Variants in ZMIZ1 observed in about 807,000 individuals in gnomAD.
The protein encoded by ZMIZ1 is zinc finger MIZ-type containing 1, also known as zinc finger MIZ domain-containing protein 1.
A neutral mutation model predicts 113.9 loss-of-function variants in ZMIZ1; 17 were observed. That is an observed-to-expected ratio of 0.15 (90% CI 0.10 to 0.22). ZMIZ1 has a LOEUF of 0.22. ZMIZ1 is among the 10% of genes least tolerant of loss of function. The pLI, the probability that ZMIZ1 is intolerant of heterozygous loss-of-function variation, is 1.00. For synonymous variants in ZMIZ1, 607 were observed against 603.1 expected (o/e 1.01, Z -0.09); for missense variants, 1,059 against 1,477.8 (o/e 0.72, Z 4.65).
At chr10:79,199,926 A>G (rs79490693) in intron 4 of ZMIZ1, among the ~76,000 whole-genome samples, 1 of 152,192 alleles carries the variant, frequency 6.6e-6, no homozygotes, top group African/African-American at 2.4e-5. Flanking sequence ...GGGTCCCTCA[A>G]CAAGCGTGTG....
chr10:79,116,994 C>T (rs1227722239), intron 1 of ZMIZ1, among the ~76,000 whole-genome samples: 1 of 152,264 alleles, frequency 6.6e-6, no homozygotes, highest in African/African-American at 2.4e-5. Flanking sequence ...CGCTTGGGCT[C>T]ATGTGACTCC....
At chr10:79,243,394 T>A (rs1849978572) in intron 7 of ZMIZ1, among the ~76,000 whole-genome samples, 1 of 149,088 alleles carries the variant, frequency 6.7e-6, no homozygotes, top group South Asian at 2.1e-4. Flanking sequence ...CGCCTATGAT[T>A]GGCTTCGCCC....
intron 1 of ZMIZ1, among the ~76,000 whole-genome samples, chr10:79,103,567 G>A (rs368691085): frequency 9.8e-5 from 15 of 152,286 alleles, no homozygotes; most frequent in African/African-American, 2.6e-4. Flanking sequence ...AAAGGAGGGC[G>A]GAGGGAGAAC....
intron 20 of ZMIZ1, 75 bp from the exon 21 acceptor site, chr10:79,305,458 A>G (rs551958780): frequency 6.5e-7 from 1 of 1,527,480 alleles, no homozygotes; most frequent in Admixed American, 1.7e-5. Flanking sequence ...CCCCACTGAC[A>G]CTGAGGTGGA....
intron 7 of ZMIZ1, among the ~76,000 whole-genome samples, chr10:79,224,528 G>T (rs1849124746): frequency 1.3e-5 from 2 of 152,154 alleles, no homozygotes; most frequent in East Asian, 3.9e-4. Context: ...AGGACACCCT[G>T]GGCCGAGCCA....
At position 79,305,614 on chromosome 10, in the gene ZMIZ1, C is replaced by G. The variant is rs113334887; in HGVS notation, c.2423+13C>G. The stretch of plus-strand genomic sequence containing the variant: ...ATGCCATCCAACAGTAAGTGGGGCC[C>G]TAGCGAGGGGCAGGGGGTGGGAGGG... On this transcript the variant is annotated intron_variant, in intron 21 of 24. Coordinates refer to ENST00000334512, the MANE Select transcript of ZMIZ1 (RefSeq NM_020338.4). 40,027 of 1,610,060 alleles carry G rather than the reference C, an allele frequency of 0.025. 641 individuals carry two copies. Among genetic ancestry groups the G allele is most frequent in the South Asian group, 0.041 (3,773 of 90,980 alleles).
intron 8 of ZMIZ1, among the ~76,000 whole-genome samples, chr10:79,279,321 A>G (rs1852540437): frequency 6.6e-6 from 1 of 150,794 alleles, no homozygotes; most frequent in African/African-American, 2.4e-5. Context: ...CTCAGTTCCC[A>G]GACGGGGTCG....
At position 79,301,039 on chromosome 10, in the gene ZMIZ1, T is replaced by C. The variant is rs189522769; in HGVS notation, c.2019+97T>C. ...CCTGCCCCACTCTGGTCCTCAGCCT[T>C]GTCCCTGCGTCACCACCCCCGTGCC... On this transcript the variant is annotated intron_variant, in intron 17 of 24. Coordinates refer to ENST00000334512, the MANE Select transcript of ZMIZ1 (RefSeq NM_020338.4). 2.0e-6 allele frequency: 3 copies of C among 1,502,668 alleles called. No individual in the cohort carries two copies. The African/African-American group carries it at 4.1e-5, about 21-fold the overall frequency. 93.1% of individuals were successfully genotyped at this position (1,502,668 alleles called of 1,614,324 possible).
chr10:79,073,600 G>C (rs1044099022), intron 1 of ZMIZ1, among the ~76,000 whole-genome samples: 2 of 152,176 alleles, frequency 1.3e-5, no homozygotes, highest in African/African-American at 4.8e-5. Flanking sequence ...GTTCTTTCCT[G>C]AATGATCCTG....
Position 79,314,501 on chromosome 10 carries a change from G to GT in ZMIZ1, c.*1758dup, listed in dbSNP as rs1174883151. On this transcript the variant is annotated 3_prime_UTR_variant, in exon 25 of 25. Coordinates refer to ENST00000334512, the MANE Select transcript of ZMIZ1 (RefSeq NM_020338.4). ...TTTCTTCCTTTGTCCCGTTGTCGAG[G>GT]TTTTTTCAAATAGCGTGTTGTTCAG... 3 of 327,640 alleles carry GT rather than the reference G, an allele frequency of 9.2e-6. No homozygotes were observed. Among genetic ancestry groups the GT allele is most frequent in the Admixed American group, 4.5e-5 (1 of 22,322 alleles). The allele number at this position is 327,640 out of a possible 1,614,324, so 20.3% of individuals were successfully genotyped here.
intron 4 of ZMIZ1, among the ~76,000 whole-genome samples, chr10:79,198,633 A>G (rs116445677): frequency 6.4e-4 from 98 of 152,282 alleles, no homozygotes; most frequent in African/African-American, 2.1e-3. Flanking sequence ...CAAAAATACA[A>G]ATTCCCAGAT....
chr10:79,286,873 C>T (rs1478745141), intron 8 of ZMIZ1, among the ~76,000 whole-genome samples: 1 of 152,218 alleles, frequency 6.6e-6, no homozygotes, highest in Non-Finnish European at 1.5e-5. Flanking sequence ...TGGGGCCTCC[C>T]ATGGGGGTTC....
At chr10:79,139,860 G>A in intron 3 of ZMIZ1, 83 bp downstream of exon 3, 1 of 398,660 alleles carries the variant, frequency 2.5e-6, no homozygotes, top group Non-Finnish European at 4.4e-6. Flanking sequence ...GCCCAGAAGT[G>A]CTGTGGCTGG....
intron 18 of ZMIZ1, among the ~76,000 whole-genome samples, chr10:79,303,743 C>G (rs1307498126): frequency 6.6e-6 from 1 of 152,236 alleles, no homozygotes; most frequent in East Asian, 1.9e-4. Flanking sequence ...CTCGCGAAGG[C>G]AGGGCCTGCT....
At chr10:79,123,351 A>G (rs766049213) in intron 2 of ZMIZ1, among the ~76,000 whole-genome samples, 1 of 152,128 alleles carries the variant, frequency 6.6e-6, no homozygotes, top group Non-Finnish European at 1.5e-5. Flanking sequence ...TCTGTGCCCC[A>G]TTTCCTCATC....
intron 7 of ZMIZ1, among the ~76,000 whole-genome samples, chr10:79,235,708 G>A (rs532097224): frequency 1.3e-5 from 2 of 152,292 alleles, no homozygotes; most frequent in South Asian, 4.1e-4. Context: ...GTGAGCAGGA[G>A]GTACCGGGTA....
chr10:79,070,912 C>G (rs1019458232), intron 1 of ZMIZ1, among the ~76,000 whole-genome samples: 11 of 143,636 alleles, frequency 7.7e-5, no homozygotes, highest in African/African-American at 2.8e-4. Flanking sequence ...GACTGCTTTT[C>G]CAATGCCCTG....
chr10:79,257,853 T>C (rs563239227), intron 7 of ZMIZ1, among the ~76,000 whole-genome samples: 25 of 152,356 alleles, frequency 1.6e-4, no homozygotes, highest in Admixed American at 1.4e-3. Flanking sequence ...GTGATTGCTG[T>C]TGAGTCCAGG....
intron 16 of ZMIZ1, 96 bp downstream of exon 16, chr10:79,299,287 G>A (rs1854134947): frequency 2.0e-6 from 3 of 1,486,146 alleles, no homozygotes; most frequent in African/African-American, 1.4e-5. Flanking sequence ...GCAGGGGGTA[G>A]CAGCATCTTC....
Sources: gnomAD v4.1 joint callset for allele counts (sites outside exome capture counted in the v4.1 genomes callset) on GRCh38, gnomAD v4.1.1 for gene constraint, MANE v1.5 for transcripts, NCBI Gene and HGNC (gene_info 2026-07-23, HGNC 2026-07-21) for gene names.